The following SORL1 variants were observed in gnomAD, a reference collection of about 807,000 sequenced individuals.
SORL1 encodes the protein sortilin-related receptor.
SORL1 carries 127 observed loss-of-function variants against 273.7 expected under a neutral mutation model. That is an observed-to-expected ratio of 0.46 (90% CI 0.40 to 0.54). The LOEUF (loss-of-function observed/expected upper bound fraction) is 0.54. Among genes scored for constraint, SORL1 ranks in the 20% least tolerant of loss-of-function variants. The probability of loss-of-function intolerance (pLI) is 0.00; values close to 1 mark genes in which losing one functional copy is unlikely to be tolerated. For missense variants in SORL1, 2,494 were observed against 2,846.1 expected, an observed-to-expected ratio of 0.88 and a Z score of 2.81; for synonymous variants, 1,031 against 1,067.4, an observed-to-expected ratio of 0.97 and a Z score of 0.66.
In SORL1 at chr11:121,549,030, C is replaced by T. The variant is rs571178278; in HGVS notation, c.2052-930C>T. 2.6e-5 allele frequency among the ~76,000 whole-genome samples: 4 copies of T among 152,246 alleles called. No individual in the cohort carries two copies. In the South Asian group the frequency reaches 6.2e-4, roughly 24 times the overall value. ...CCTTAGAACATTCATAGTACAGTCA[C>T]CTCGTTTTAGAATCGTCTTCGACTG... On this transcript the variant is annotated intron_variant, in intron 14 of 47. Transcript: ENST00000260197.
At position 121,625,243 on chromosome 11, in the gene SORL1, G is replaced by C; in HGVS notation, c.6330G>C (p.Glu2110Asp). The change falls in exon 46 of 48, where the codon GAG (glutamate) becomes GAC (aspartate). Residue 2110 changes from glutamate (E) to aspartate (D), a missense_variant. This residue lies in a region of SORL1 where 1,609 missense variants were observed against 1,816.4 expected (regional missense o/e 0.89). Transcript: ENST00000260197. ...TTTTTGGCAACCAGATCTGTGGGGA[G>C]CCTGCCATCCTGCTGTACGATGAGC... The part of the protein sequence containing the change: ...RCLFGNQICG[E>D]PAILLYDELG... 1.9e-6 allele frequency: 3 copies of C among 1,613,932 alleles called. No individual in the cohort carries two copies. The highest frequency in any genetic ancestry group is 2.5e-6 in the Non-Finnish European group (3 of 1,179,922).
In SORL1 at chr11:121,532,627, A is replaced by G; in HGVS notation, c.1685+75A>G. 3.3e-6 allele frequency: 4 copies of G among 1,197,614 alleles called. No homozygotes were observed. The Admixed American group carries it at 7.5e-5, about 22-fold the overall frequency. 74.2% of individuals were successfully genotyped at this position (1,197,614 alleles called of 1,614,324 possible). A position where few individuals can be genotyped will look rare whatever the true frequency, so the allele number is the denominator to read the frequency against. On this transcript the variant is annotated intron_variant, in intron 12 of 47. Coordinates refer to ENST00000260197, the MANE Select transcript of SORL1 (RefSeq NM_003105.6). ...TTACGTCTGTGATTATAATTGGATT[A>G]TCTCTCTATAGCACTATGTTGTTGA...
rs779028706 is a variant in SORL1 at position 121,558,761 on chromosome 11, G to A, written c.2834G>A (p.Arg945Gln). Residue 945 changes from arginine (R) to glutamine (Q), a missense_variant, in exon 20 of 48, where the codon CGG becomes CAG. Around this residue, in one of 3 missense-constraint regions of SORL1, gnomAD observed 1,609 missense variants for 1,816.4 expected, o/e 0.89. Transcript: ENST00000260197. ...GATGCCTACCTGGAGTGCATAGAGC[G>A]GATCACGTTCAGTGGCCAGCAGCGC... ...WTDAYLECIERITFSGQQRSV... is the reference protein window; with the variant it reads ...WTDAYLECIEQITFSGQQRSV... 143 of 1,614,008 alleles carry A rather than the reference G, an allele frequency of 8.9e-5. 2 individuals carry two copies. The Admixed American group carries it at 1.8e-3, about 20-fold the overall frequency.
intron 3 of SORL1, among the ~76,000 whole-genome samples, chr11:121,483,678 T>G (rs1451211206): frequency 6.6e-6 from 1 of 152,162 alleles, no homozygotes; most frequent in Non-Finnish European, 1.5e-5. Flanking sequence ...TTGGTCAGTC[T>G]GTAGGTTTGG....
chr11:121,593,362 A>G (rs1208794865), intron 31 of SORL1, among the ~76,000 whole-genome samples: 3 of 152,216 alleles, frequency 2.0e-5, no homozygotes, highest in Admixed American at 2.0e-4. Flanking sequence ...CCATTTGCCA[A>G]TGCTTTCTGC....
At chr11:121,465,875 G>A (rs1018538799) in intron 1 of SORL1, among the ~76,000 whole-genome samples, 17 of 152,260 alleles carry the variant, frequency 1.1e-4, no homozygotes, top group African/African-American at 3.9e-4. Context: ...GGCAGAGGGC[G>A]ACAGAGCCGG....
intron 45 of SORL1, among the ~76,000 whole-genome samples, chr11:121,623,667 C>A (rs1863754658): frequency 6.6e-6 from 1 of 152,142 alleles, no homozygotes; most frequent in African/African-American, 2.4e-5. Flanking sequence ...GGATGAGATT[C>A]CAGGCAGGTA....
At chr11:121,463,352 C>A (rs1391619001) in intron 1 of SORL1, among the ~76,000 whole-genome samples, 9 of 152,018 alleles carry the variant, frequency 5.9e-5, no homozygotes, top group African/African-American at 2.2e-4. Flanking sequence ...GGAGCCCCTC[C>A]CAAAACAGCA....
Position 121,522,575 on chromosome 11 carries a change from T to C in SORL1, c.1405-11T>C. The C allele has an allele frequency of 6.2e-7, 1 of 1,603,222 alleles. No homozygotes were observed. The highest frequency in any genetic ancestry group is 8.5e-7 in the Non-Finnish European group (1 of 1,170,172). The stretch of plus-strand genomic sequence containing the variant: ...CATGTGCTGACACTGCCTGAAACTT[T>C]GGTTGTATAGCTTTCCCAGGGCTGT... On this transcript the variant is annotated splice_polypyrimidine_tract_variant and intron_variant, in intron 9 of 47. Transcript: ENST00000260197.
At chr11:121,469,680 A>G (rs921158950) in intron 1 of SORL1, among the ~76,000 whole-genome samples, 2 of 152,222 alleles carry the variant, frequency 1.3e-5, no homozygotes, top group African/African-American at 4.8e-5. Flanking sequence ...AGTGCATGTC[A>G]TACATAGAGT....
At chr11:121,529,150 T>C (rs970442204) in intron 11 of SORL1, among the ~76,000 whole-genome samples, 1 of 152,212 alleles carries the variant, frequency 6.6e-6, no homozygotes, top group African/African-American at 2.4e-5. Flanking sequence ...TGTAATGCCA[T>C]GTGTCTTAAA....
intron 3 of SORL1, among the ~76,000 whole-genome samples, chr11:121,486,603 C>T (rs1269065534): frequency 6.6e-6 from 1 of 151,840 alleles, no homozygotes; most frequent in Non-Finnish European, 1.5e-5. Context: ...CCTCAGCCTC[C>T]CGAGTAGCTG....
In SORL1 at chr11:121,583,650, A is replaced by T; in HGVS notation, c.3706+67A>T. 5.9e-6 allele frequency: 9 copies of T among 1,514,802 alleles called. 1 individual carries two copies. In the South Asian group the frequency reaches 1.2e-4, roughly 20 times the overall value. The allele number at this position is 1,514,802 out of a possible 1,614,324, so 93.8% of individuals were successfully genotyped here. On this transcript the variant is annotated intron_variant, in intron 26 of 47. Transcript: ENST00000260197. ...TGTCTGCTGTTCAGGAAGAGAGGCC[A>T]CAGAGAGCCAGGGGATGAAATGCTG...
At chr11:121,503,521 T>A (rs886085435) in intron 6 of SORL1, among the ~76,000 whole-genome samples, 3 of 152,008 alleles carry the variant, frequency 2.0e-5, no homozygotes, top group Non-Finnish European at 2.9e-5. Flanking sequence ...GAGACAGTTT[T>A]GCTGTCACCT....
chr11:121,461,180 T>TA (rs11453033), intron 1 of SORL1, among the ~76,000 whole-genome samples: 67,327 of 147,340 alleles, frequency 0.46, 15,124 homozygotes, highest in East Asian at 0.57. Flanking sequence ...ACTGAGTGGT[T>TA]AAAAAAAAAA....
Position 121,627,460 on chromosome 11 carries a change from G to A in SORL1, c.6365-95G>A, listed in dbSNP as rs555374138. The A allele has an allele frequency of 3.8e-4, 373 of 972,304 alleles. No individual in the cohort carries two copies. The African/African-American group carries it at 5.0e-3, about 13-fold the overall frequency. The allele number at this position is 972,304 out of a possible 1,614,324, so 60.2% of individuals were successfully genotyped here. A position where few individuals can be genotyped will look rare whatever the true frequency, so the allele number is the denominator to read the frequency against. Reference sequence around the variant, plus strand: ...GGCAGTTTGTGTAGCTGTGGCTATCGCCCAGCTTTTTTTGGTGGGTGGGGC... The same window carrying A: ...GGCAGTTTGTGTAGCTGTGGCTATCACCCAGCTTTTTTTGGTGGGTGGGGC... On this transcript the variant is annotated intron_variant, in intron 46 of 47. Transcript: ENST00000260197. The surrounding 1 kb of genome is among the most constrained non-coding windows in gnomAD (Gnocchi z 4.9).
At chr11:121,476,686 C>T (rs1390598791) in intron 2 of SORL1, among the ~76,000 whole-genome samples, 2 of 151,214 alleles carry the variant, frequency 1.3e-5, no homozygotes, top group African/African-American at 4.9e-5. Context: ...ATTCACCTGC[C>T]CTTCCTTCCC....
At chr11:121,599,382 T>A (rs1213080478) in intron 32 of SORL1, among the ~76,000 whole-genome samples, 5 of 152,172 alleles carry the variant, frequency 3.3e-5, no homozygotes, top group Non-Finnish European at 5.9e-5. Flanking sequence ...CCATCTCTAC[T>A]AAAAATGTAA....
intron 43 of SORL1, 62 bp downstream of exon 43, chr11:121,619,979 A>T (rs940583545): frequency 7.6e-7 from 1 of 1,318,890 alleles, no homozygotes; most frequent in African/African-American, 1.4e-5. Flanking sequence ...GTGGGGTGGG[A>T]TGGAAGGGGA....
Sources: allele counts gnomAD v4.1 joint callset (sites outside exome capture counted in the v4.1 genomes callset), GRCh38; gene constraint gnomAD v4.1.1; regional missense constraint gnomAD v4.1.1; non-coding constraint Gnocchi (gnomAD v3.1); transcripts MANE v1.5; gene names NCBI Gene and HGNC (gene_info 2026-07-23, HGNC 2026-07-21).